The following ZDHHC21 variants were observed in gnomAD, a reference collection of about 807,000 sequenced individuals.
The protein encoded by ZDHHC21 is zDHHC palmitoyltransferase 21.
In ZDHHC21, 15 loss-of-function variants were observed where a neutral mutation model predicts 34.6. The observed-to-expected ratio is 0.43, with a 90% CI of 0.29 to 0.67. The LOEUF is 0.67. Among genes scored for constraint, ZDHHC21 ranks in the 30% least tolerant of loss-of-function variants. The pLI is 0.14. For synonymous variants in ZDHHC21, 142 were observed against 101.8 expected (o/e 1.40, Z -2.38); for missense variants, 344 against 327.7 (o/e 1.05, Z -0.38).
intron 2 of ZDHHC21, among the ~76,000 whole-genome samples, chr9:14,686,333 G>C (rs1417788596): frequency 2.0e-5 from 3 of 152,124 alleles, no homozygotes; most frequent in Non-Finnish European, 4.4e-5. Flanking sequence ...GGCAGACTAG[G>C]ATGGCTCCCA....
intron 2 of ZDHHC21, among the ~76,000 whole-genome samples, chr9:14,680,763 A>G (rs1214476465): frequency 1.3e-5 from 2 of 152,332 alleles, no homozygotes; most frequent in Middle Eastern, 6.8e-3. Flanking sequence ...TGAAAAAGAG[A>G]GGCTCTATCT....
chr9:14,592,439 C>T, the ZDHHC21 span, among the ~76,000 whole-genome samples: 9 of 151,882 alleles, frequency 5.9e-5, no homozygotes, highest in African/African-American at 2.2e-4. Flanking sequence ...CTGTTATAAA[C>T]CCAACAGTAC....
At chr9:14,641,490 T>G (rs952961416) in intron 7 of ZDHHC21, among the ~76,000 whole-genome samples, 5 of 152,168 alleles carry the variant, frequency 3.3e-5, no homozygotes, top group Admixed American at 3.3e-4. Flanking sequence ...TGGCAATCAT[T>G]CTTATGCATA....
the ZDHHC21 span, among the ~76,000 whole-genome samples, chr9:14,594,874 C>CAA: frequency 6.6e-6 from 1 of 152,028 alleles, no homozygotes; most frequent in Admixed American, 6.6e-5. Flanking sequence ...TTTGAATAGA[C>CAA]AGTTTATCAG....
At chr9:14,599,581 G>A in the ZDHHC21 span, among the ~76,000 whole-genome samples, 27 of 151,606 alleles carry the variant, frequency 1.8e-4, no homozygotes, top group South Asian at 1.3e-3. Flanking sequence ...CCCCAGTGGC[G>A]CCTGGAATGT....
the ZDHHC21 span, among the ~76,000 whole-genome samples, chr9:14,600,046 A>G: frequency 6.6e-6 from 1 of 152,218 alleles, no homozygotes; most frequent in African/African-American, 2.4e-5. Flanking sequence ...CACAGCCAAT[A>G]TCATGCTGAA....
At chr9:14,691,009 A>C (rs1479948676) in intron 1 of ZDHHC21, among the ~76,000 whole-genome samples, 2 of 152,360 alleles carry the variant, frequency 1.3e-5, no homozygotes, top group South Asian at 4.1e-4. Flanking sequence ...AACTGAATTT[A>C]GGGAACAAAC....
chr9:14,595,043 C>G, the ZDHHC21 span, among the ~76,000 whole-genome samples: 1 of 152,098 alleles, frequency 6.6e-6, no homozygotes, highest in Non-Finnish European at 1.5e-5. Flanking sequence ...ATGTGGAAAA[C>G]TGAAAAACTC....
At position 14,611,798 on chromosome 9, in the gene ZDHHC21, C is replaced by T. The variant is rs1027928887; in HGVS notation, c.*7168G>A. On this transcript the variant is annotated 3_prime_UTR_variant, in exon 10 of 10. Coordinates refer to ENST00000380916, the MANE Select transcript of ZDHHC21 (RefSeq NM_178566.6). ...TTGCAAGAGCCTAGCTTTGTCCTCCCGTGTTAGACTCACAATTCACTTGTC... is the reference window on the plus strand; with the variant it reads ...TTGCAAGAGCCTAGCTTTGTCCTCCTGTGTTAGACTCACAATTCACTTGTC... 5.9e-5 allele frequency: 9 copies of T among 151,998 alleles called. No homozygotes were observed. The highest frequency in any genetic ancestry group is 4.1e-4 in the South Asian group (2 of 4,828). The allele number at this position is 151,998 out of a possible 1,614,324, so 9.4% of individuals were successfully genotyped here.
At chr9:14,657,468 T>A (rs769989438) in intron 7 of ZDHHC21, among the ~76,000 whole-genome samples, 1 of 151,532 alleles carries the variant, frequency 6.6e-6, no homozygotes, top group South Asian at 2.1e-4. Context: ...GTATGTCTGT[T>A]TACAAAGACA....
In ZDHHC21 at chr9:14,673,051, A is replaced by G. The variant is rs1012174224; in HGVS notation, c.155-123T>C. The G allele has an allele frequency of 5.6e-6, 3 of 540,372 alleles. No individual in the cohort carries two copies. In the African/African-American group the frequency reaches 5.7e-5, roughly 10 times the overall value. 33.5% of individuals were successfully genotyped at this position (540,372 alleles called of 1,614,324 possible). A position where few individuals can be genotyped will look rare whatever the true frequency, so the allele number is the denominator to read the frequency against. ...CCATCAGGAGAAAAAATTTCAAAAG[A>G]TTAAAAAATAAATAATTGATTTCAC... On this transcript the variant is annotated intron_variant, in intron 4 of 9. Coordinates refer to ENST00000380916, the MANE Select transcript of ZDHHC21 (RefSeq NM_178566.6).
chr9:14,608,515 T>C (rs1371930348), downstream of ZDHHC21, among the ~76,000 whole-genome samples: 4 of 152,134 alleles, frequency 2.6e-5, no homozygotes, highest in African/African-American at 9.7e-5. Context: ...CAAAACACAC[T>C]GCTATTTTTA....
rs904692396 is a variant in ZDHHC21, at chr9:14,664,099, G to C, written c.254-1773C>G. ...TTTCTGCATTTCCATCTGAGGTACC[G>C]GGTTCATCTCACTAGGGAGTGCCAG... On this transcript the variant is annotated intron_variant, in intron 5 of 9. Coordinates refer to ENST00000380916, the MANE Select transcript of ZDHHC21 (RefSeq NM_178566.6). Among the ~76,000 whole-genome samples the C allele has an allele frequency of 2.6e-5, 4 of 152,216 alleles. No homozygotes were observed. In the East Asian group the frequency reaches 5.8e-4, roughly 22 times the overall value.
the ZDHHC21 span, among the ~76,000 whole-genome samples, chr9:14,602,955 A>AAAAAAT: frequency 7.6e-6 from 1 of 132,168 alleles, no homozygotes; most frequent in African/African-American, 2.7e-5. Context: ...AAAAAAAAAA[A>AAAAAAT]GGGAGAATTT....
At chr9:14,659,581 A>T (rs1416160999) in intron 6 of ZDHHC21, among the ~76,000 whole-genome samples, 1 of 152,216 alleles carries the variant, frequency 6.6e-6, no homozygotes, top group African/African-American at 2.4e-5. Flanking sequence ...AAGTATCCTA[A>T]AATTCCAGCA....
At chr9:14,663,876 C>G (rs969062176) in intron 5 of ZDHHC21, among the ~76,000 whole-genome samples, 1 of 152,150 alleles carries the variant, frequency 6.6e-6, no homozygotes, top group African/African-American at 2.4e-5. Context: ...CTATTTACCT[C>G]TAAGTGAAAT....
the ZDHHC21 span, among the ~76,000 whole-genome samples, chr9:14,600,995 T>C: frequency 2.0e-5 from 3 of 152,090 alleles, no homozygotes; most frequent in Admixed American, 2.0e-4. Context: ...ATACAAAAAA[T>C]TAACTCAAGA....
rs368457463 is a variant in ZDHHC21, at chr9:14,619,065, G to A, written c.699C>T (p.Phe233=). 159 of 1,611,764 alleles carry A rather than the reference G, an allele frequency of 9.9e-5. No homozygotes were observed. The highest frequency in any genetic ancestry group is 1.2e-4 in the Non-Finnish European group (147 of 1,178,908). Residue 233 remains phenylalanine (F), a synonymous_variant, in exon 10 of 10, where the codon TTC becomes TTT. Transcript: ENST00000380916. ...SRPRKPWQQT[F]SEVFGTRWKI... The stretch of plus-strand genomic sequence containing the variant: ...TCCAACGAGTGCCAAAAACTTCTGA[G>A]AAGGTCTGCTGCCATGGCTTTCGGG...
intron 5 of ZDHHC21, among the ~76,000 whole-genome samples, chr9:14,664,654 A>G (rs1193723315): frequency 6.6e-6 from 1 of 151,536 alleles, no homozygotes; most frequent in Non-Finnish European, 1.5e-5. Flanking sequence ...GCAGCTGGAG[A>G]TCTGAGAACT....
Sources: gnomAD v4.1 joint callset for allele counts (sites outside exome capture counted in the v4.1 genomes callset) on GRCh38, gnomAD v4.1.1 for gene constraint, MANE v1.5 for transcripts, NCBI Gene and HGNC (gene_info 2026-07-23, HGNC 2026-07-21) for gene names.